ZNF112: variants seen among roughly 807,000 people sequenced by gnomAD.
ZNF112 encodes zinc finger protein 112 (Y14).
A neutral mutation model predicts 77.7 loss-of-function variants in ZNF112; 37 were observed. That is an observed-to-expected ratio of 0.48 (90% CI 0.37 to 0.63). ZNF112 has a LOEUF of 0.63. Among genes scored for constraint, ZNF112 ranks in the 20% least tolerant of loss-of-function variants. The pLI is 0.00. For missense variants in ZNF112, 950 were observed against 1,077.4 expected, an observed-to-expected ratio of 0.88 and a Z score of 1.66; for synonymous variants, 333 against 363.6, an observed-to-expected ratio of 0.92 and a Z score of 0.96.
At chr19:44,339,651 G>C (rs1416328740) in intron 2 of ZNF112, among the ~76,000 whole-genome samples, 1 of 152,158 alleles carries the variant, frequency 6.6e-6, no homozygotes, top group Non-Finnish European at 1.5e-5. Context: ...ACTTTAATCT[G>C]ATTCCTTTCC....
chr19:44,329,421 G>A lies in ZNF112; in HGVS notation c.736C>T (p.Gln246Ter). 1.9e-6 allele frequency: 3 copies of A among 1,614,008 alleles called. No homozygotes were observed. The highest frequency in any genetic ancestry group is 2.5e-6 in the Non-Finnish European group (3 of 1,179,962). ...KVSLLNQESI[Q>*]TEEKPYPCTG... ...CATGGATAGGGCTTCTCCTCTGTTT[G>A]AATTGACTCCTGATTAAGTAATGAT... The change falls in exon 4 of 4, where the codon CAA becomes TAA. Residue 246 changes from glutamine to a stop codon, truncating the protein, a stop_gained. Transcript: ENST00000354340. LOFTEE classifies it high-confidence loss of function.
chr19:44,356,912 A>C (rs577932566), upstream of ZNF112, among the ~76,000 whole-genome samples: 31 of 152,038 alleles, frequency 2.0e-4, no homozygotes, highest in African/African-American at 7.5e-4. Context: ...GAATTCCTTA[A>C]CTCCCCCTTC....
chr19:44,344,424 G>A (rs1970548848), intron 1 of ZNF112, among the ~76,000 whole-genome samples: 1 of 152,166 alleles, frequency 6.6e-6, no homozygotes, highest in Non-Finnish European at 1.5e-5. Flanking sequence ...GTAAGGCAGA[G>A]CCTTCTAGCA....
intron 2 of ZNF112, among the ~76,000 whole-genome samples, chr19:44,339,012 G>T (rs934113028): frequency 1.3e-5 from 2 of 152,170 alleles, no homozygotes; most frequent in Non-Finnish European, 2.9e-5. Context: ...AGTGAGCTGA[G>T]GTTGCACCAC....
At chr19:44,353,544 A>T (rs903904116) in intron 1 of ZNF112, among the ~76,000 whole-genome samples, 20 of 152,082 alleles carry the variant, frequency 1.3e-4, no homozygotes, top group African/African-American at 4.6e-4. Flanking sequence ...AAAATCAACA[A>T]TAGGAAAAAT....
chr19:44,328,075 C>G lies in ZNF112; in HGVS notation c.2082G>C (p.Lys694Asn), dbSNP rs1314873188. 3 of 1,613,918 alleles carry G rather than the reference C, an allele frequency of 1.9e-6. No individual in the cohort carries two copies. Among genetic ancestry groups the G allele is most frequent in the Non-Finnish European group, 2.5e-6 (3 of 1,180,004 alleles). The change falls in exon 4 of 4, where the codon AAG (lysine) becomes AAC (asparagine). Residue 694 changes from lysine to asparagine, a missense_variant. Physicochemically the swap from Lys to Asn is moderately conservative, Grantham distance 94. This residue lies in a region of ZNF112 where 373 missense variants were observed against 482.8 expected (regional missense o/e 0.77). Coordinates refer to ENST00000354340, the MANE Select transcript of ZNF112 (RefSeq NM_013380.4). ...EKPYQCDECGKSFSQRSYLQS... is the reference protein window; with the variant it reads ...EKPYQCDECGNSFSQRSYLQS... Reference sequence around the variant, plus strand: ...GAAGGTATGATCTCTGACTGAAACTCTTACCACACTCATCACATTGGTATG... The same window carrying G: ...GAAGGTATGATCTCTGACTGAAACTGTTACCACACTCATCACATTGGTATG...
chr19:44,329,692 A>G lies in ZNF112; in HGVS notation c.465T>C (p.His155=). ...ISEDKNYIFT[H]IGNGSNYIKS... Reference sequence around the variant, plus strand: ...TTATATAATTGGAGCCATTCCCTATATGAGTGAATATATAGTTCTTATCTT... The same window carrying G: ...TTATATAATTGGAGCCATTCCCTATGTGAGTGAATATATAGTTCTTATCTT... Residue 155 remains histidine (H), a synonymous_variant, in exon 4 of 4, where the codon CAT becomes CAC. Transcript: ENST00000354340. 6.2e-7 allele frequency: 1 copy of G among 1,614,058 alleles called. No homozygotes were observed. The highest frequency in any genetic ancestry group is 8.5e-7 in the Non-Finnish European group (1 of 1,179,998).
intron 3 of ZNF112, among the ~76,000 whole-genome samples, chr19:44,333,552 T>C (rs1229782454): frequency 2.6e-5 from 4 of 152,196 alleles, no homozygotes; most frequent in Non-Finnish European, 4.4e-5. Flanking sequence ...TGCTTTCTAA[T>C]GGTTTAGCAC....
At chr19:44,353,460 C>A (rs942923413) in intron 1 of ZNF112, among the ~76,000 whole-genome samples, 1 of 151,996 alleles carries the variant, frequency 6.6e-6, no homozygotes, top group African/African-American at 2.4e-5. Flanking sequence ...AGACAAGCTA[C>A]AGGCTGAGAA....
intron 3 of ZNF112, among the ~76,000 whole-genome samples, chr19:44,333,739 G>A (rs10403069): frequency 0.013 from 2,020 of 152,218 alleles, 49 homozygotes; most frequent in African/African-American, 0.046. Context: ...CATGCTTCCT[G>A]TATAGCCTAT....
chr19:44,345,937 T>G (rs944368384), intron 1 of ZNF112, among the ~76,000 whole-genome samples: 13 of 152,218 alleles, frequency 8.5e-5, no homozygotes, highest in South Asian at 2.1e-4. Context: ...ATGCTGTCTC[T>G]GTCCAATATT....
chr19:44,344,474 C>T (rs1172496572), intron 1 of ZNF112, among the ~76,000 whole-genome samples: 1 of 152,202 alleles, frequency 6.6e-6, no homozygotes, highest in Admixed American at 6.5e-5. Flanking sequence ...TAGGCACCTG[C>T]TCCCTCCTGC....
intron 1 of ZNF112, among the ~76,000 whole-genome samples, chr19:44,366,477 A>G (rs1257559791): frequency 6.6e-6 from 1 of 152,108 alleles, no homozygotes; most frequent in Non-Finnish European, 1.5e-5. Context: ...ACACGGCAAG[A>G]AGAAGGATGC....
chr19:44,350,387 T>C (rs1970670455), intron 1 of ZNF112, among the ~76,000 whole-genome samples: 1 of 152,034 alleles, frequency 6.6e-6, no homozygotes. Flanking sequence ...TGAAGTTTTA[T>C]TGTGATTTTT....
At chr19:44,340,688 C>A in intron 1 of ZNF112, 146 bp from the exon 2 acceptor site, 1 of 1,159,462 alleles carries the variant, frequency 8.6e-7, no homozygotes, top group South Asian at 1.4e-5. Context: ...AATGCTAATA[C>A]CATTCACCAA....
chr19:44,358,120 C>G (rs933869760), upstream of ZNF112, among the ~76,000 whole-genome samples: 4 of 141,902 alleles, frequency 2.8e-5, no homozygotes, highest in Non-Finnish European at 4.5e-5. Context: ...CCACTGCACT[C>G]CAGCCTGGGC....
In ZNF112 at chr19:44,327,991, C is replaced by A. The variant is rs762039032; in HGVS notation, c.2166G>T (p.Lys722Asn). ...GAAGATATGCTCTCTGACTGAAGCC[C>A]TTTCCACATACCTCACATATATATG... is the stretch of plus-strand genomic sequence containing the variant. ...ERPYICEVCGKGFSQRAYLQG... is the reference protein window; with the variant it reads ...ERPYICEVCGNGFSQRAYLQG... Residue 722 changes from lysine (K) to asparagine (N), a missense_variant, in exon 4 of 4, where the codon AAG becomes AAT. Transcript: ENST00000354340. 1 of 1,613,876 alleles carries A rather than the reference C, an allele frequency of 6.2e-7. No individual in the cohort carries two copies. Among genetic ancestry groups the A allele is most frequent in the Admixed American group, 1.7e-5 (1 of 59,994 alleles).
intron 1 of ZNF112, among the ~76,000 whole-genome samples, chr19:44,351,406 A>G (rs574120257): frequency 3.9e-5 from 6 of 152,258 alleles, no homozygotes; most frequent in Non-Finnish European, 5.9e-5. Flanking sequence ...AATTAAAATC[A>G]TTTGCTTATG....
At chr19:44,362,849 G>A (rs1483336395) in intron 1 of ZNF112, among the ~76,000 whole-genome samples, 1 of 152,116 alleles carries the variant, frequency 6.6e-6, no homozygotes, top group African/African-American at 2.4e-5. Flanking sequence ...TTTAATGTGT[G>A]CCTGTTGTTG....
Sources: gnomAD v4.1 joint callset for allele counts (sites outside exome capture counted in the v4.1 genomes callset) on GRCh38, gnomAD v4.1.1 for gene constraint, gnomAD v4.1.1 regional missense constraint, MANE v1.5 for transcripts, NCBI Gene and HGNC (gene_info 2026-07-23, HGNC 2026-07-21) for gene names.